Variants in CNGA3 observed in about 807,000 individuals in gnomAD.
The protein encoded by CNGA3 is cyclic nucleotide gated channel subunit alpha 3, also known as cyclic nucleotide-gated channel alpha-3.
A neutral mutation model predicts 46.6 loss-of-function variants in CNGA3; 42 were observed. The observed-to-expected ratio is 0.90, with a 90% CI of 0.70 to 1.17. CNGA3 has a LOEUF of 1.17. Ranked by LOEUF, CNGA3 falls within the 50% of genes most tolerant of loss-of-function variation. The pLI is 0.00. For synonymous variants in CNGA3, 394 were observed against 369.4 expected, an observed-to-expected ratio of 1.07 and a Z score of -0.76; for missense variants, 893 against 890.7, an observed-to-expected ratio of 1.00 and a Z score of -0.03.
chr2:98,381,447 T>C (rs1306687267), intron 4 of CNGA3, among the ~76,000 whole-genome samples: 4 of 152,154 alleles, frequency 2.6e-5, no homozygotes, highest in African/African-American at 9.7e-5. Context: ...TTCTGGTGTG[T>C]GAAGGTGATG....
intron 2 of CNGA3, among the ~76,000 whole-genome samples, chr2:98,375,839 T>C (rs1317291497): frequency 1.3e-5 from 2 of 152,092 alleles, no homozygotes; most frequent in African/African-American, 4.8e-5. Context: ...TGGAATAACA[T>C]TGGAATCTCG....
Position 98,383,483 on chromosome 2 carries a change from TGC to T in CNGA3, c.449+43_449+44del, listed in dbSNP as rs762880481. The T allele has an allele frequency of 1.9e-6, 3 of 1,604,870 alleles. No individual in the cohort carries two copies. The African/African-American group carries it at 4.0e-5, about 21-fold the overall frequency. Reference sequence around the variant, plus strand: ...CCAGCAGAGCCCTCCCCAAGCCCGGTGCCCTCCACCCCATAGAAGCCCCAGCT... The same window carrying T: ...CCAGCAGAGCCCTCCCCAAGCCCGGTCCTCCACCCCATAGAAGCCCCAGCT... On this transcript the variant is annotated intron_variant, in intron 5 of 7. Coordinates refer to ENST00000272602, the MANE Select transcript of CNGA3 (RefSeq NM_001298.3).
intron 5 of CNGA3, among the ~76,000 whole-genome samples, chr2:98,386,122 C>T (rs1692648125): frequency 6.6e-6 from 1 of 152,112 alleles, no homozygotes; most frequent in Non-Finnish European, 1.5e-5. Context: ...AGAACAGTGC[C>T]TGGTACATAG....
chr2:98,366,573 C>T (rs1281135555), intron 1 of CNGA3, among the ~76,000 whole-genome samples: 1 of 152,256 alleles, frequency 6.6e-6, no homozygotes, highest in Non-Finnish European at 1.5e-5. Flanking sequence ...GGACATCCAG[C>T]CCCTGGCTGG....
intron 1 of CNGA3, among the ~76,000 whole-genome samples, chr2:98,366,678 C>T (rs1272198490): frequency 1.7e-4 from 26 of 152,358 alleles, no homozygotes; most frequent in Admixed American, 1.7e-3. Flanking sequence ...TCTGCCACAG[C>T]CGCTATGGTG....
intron 1 of CNGA3, among the ~76,000 whole-genome samples, chr2:98,358,524 T>C (rs886606429): frequency 3.9e-5 from 6 of 152,214 alleles, no homozygotes; most frequent in African/African-American, 1.4e-4. Flanking sequence ...TGGGTACAGC[T>C]ACCAGTAGTA....
In CNGA3 at chr2:98,396,984, T is replaced by A. The variant is rs1412692820; in HGVS notation, c.1814T>A (p.Ile605Asn). ...GCCCTGGAGGAGAAAGGACGGCAGA[T>A]CCTGATGAAAGACAACCTGATCGAT... The part of the protein sequence containing the change: ...KKALEEKGRQ[I>N]LMKDNLIDEE... Residue 605 changes from isoleucine to asparagine, a missense_variant, in exon 8 of 8, where the codon ATC becomes AAC. Physicochemically the swap from Ile to Asn is moderately radical, Grantham distance 149. Transcript: ENST00000272602. 2 of 1,613,782 alleles carry A rather than the reference T, an allele frequency of 1.2e-6. No homozygotes were observed. Among genetic ancestry groups the A allele is most frequent in the African/African-American group, 2.7e-5 (2 of 74,882 alleles).
At chr2:98,347,727 C>G (rs1455158311) in intron 1 of CNGA3, among the ~76,000 whole-genome samples, 2 of 152,210 alleles carry the variant, frequency 1.3e-5, no homozygotes, top group African/African-American at 2.4e-5. Flanking sequence ...GGCAGACGCT[C>G]CCCATCACAT....
chr2:98,347,850 TC>T (rs1321460475), intron 1 of CNGA3, among the ~76,000 whole-genome samples: 2 of 151,794 alleles, frequency 1.3e-5, no homozygotes, highest in Non-Finnish European at 2.9e-5. Flanking sequence ...CGCCACCCCC[TC>T]CCCCCAACAC....
At chr2:98,394,210 A>G (rs540829991) in intron 7 of CNGA3, among the ~76,000 whole-genome samples, 1 of 152,220 alleles carries the variant, frequency 6.6e-6, no homozygotes, top group South Asian at 2.1e-4. Context: ...TGAAAATGTA[A>G]AAAACAAAAA....
intron 2 of CNGA3, among the ~76,000 whole-genome samples, chr2:98,371,348 A>C (rs1692281972): frequency 6.6e-6 from 1 of 152,074 alleles, no homozygotes; most frequent in Non-Finnish European, 1.5e-5. Flanking sequence ...ATTTGTGTTC[A>C]TCACTTCCTC....
At chr2:98,357,393 A>G (rs1365887902) in intron 1 of CNGA3, among the ~76,000 whole-genome samples, 10 of 152,172 alleles carry the variant, frequency 6.6e-5, no homozygotes, top group Admixed American at 5.9e-4. Flanking sequence ...AGTAAATGTG[A>G]TGGCTTCTCA....
chr2:98,379,992 C>A, intron 3 of CNGA3, 183 bp from the exon 4 acceptor site: 1 of 681,506 alleles, frequency 1.5e-6, no homozygotes. Context: ...CCCCATGGGG[C>A]AGAGATGCAA....
rs547510549 is a variant in CNGA3, at chr2:98,383,812, C to A, written c.449+371C>A. ...GAGATTCTCCTTAATGATGAAAAGG[C>A]ATTTTCTTATTCTACAACCTCAGGC... On this transcript the variant is annotated intron_variant, in intron 5 of 7. Coordinates refer to ENST00000272602, the MANE Select transcript of CNGA3 (RefSeq NM_001298.3). Among the ~76,000 whole-genome samples the A allele has an allele frequency of 2.0e-5, 3 of 152,286 alleles. No individual in the cohort carries two copies. The South Asian group carries it at 6.2e-4, about 32-fold the overall frequency.
rs766637612 is a variant in CNGA3, at chr2:98,396,275, A to T, written c.1105A>T (p.Thr369Ser). Residue 369 changes from threonine (T) to serine (S), a missense_variant, in exon 8 of 8, where the codon ACC (threonine) becomes TCC (serine). By Grantham distance (58) the Thr-to-Ser change is moderately conservative (BLOSUM62 1). This residue lies in a region of CNGA3 where 548 missense variants were observed against 570.8 expected (regional missense o/e 0.96). Coordinates refer to ENST00000272602, the MANE Select transcript of CNGA3 (RefSeq NM_001298.3). ...CTTGACCCTTACCACCATTGGTGAG[A>T]CCCCACCCCCCGTGAAAGATGAGGA... ...STLTLTTIGE[T>S]PPPVKDEEYL... The T allele has an allele frequency of 1.9e-6, 3 of 1,610,466 alleles. No individual in the cohort carries two copies. Among genetic ancestry groups the T allele is most frequent in the Non-Finnish European group, 1.7e-6 (2 of 1,177,722 alleles).
chr2:98,346,749 C>G (rs549617711), intron 1 of CNGA3, among the ~76,000 whole-genome samples: 4 of 152,182 alleles, frequency 2.6e-5, no homozygotes, highest in African/African-American at 9.6e-5. Flanking sequence ...GCTACGGCCT[C>G]GGCTCCCACT....
chr2:98,391,034 C>T (rs191809974), intron 6 of CNGA3, among the ~76,000 whole-genome samples: 152 of 152,064 alleles, frequency 1.0e-3, no homozygotes, highest in African/African-American at 3.5e-3. Context: ...CACTCCTGAG[C>T]AAGCCTGCAA....
At chr2:98,386,864 G>T (rs916487555) in intron 5 of CNGA3, among the ~76,000 whole-genome samples, 2 of 152,130 alleles carry the variant, frequency 1.3e-5, no homozygotes, top group African/African-American at 2.4e-5. Flanking sequence ...CCCCACAATC[G>T]CAAGAAGCTG....
At chr2:98,362,561 A>C (rs1422895434) in intron 1 of CNGA3, among the ~76,000 whole-genome samples, 1 of 152,150 alleles carries the variant, frequency 6.6e-6, no homozygotes. Context: ...GACCTTTGCC[A>C]GATGGGTAGA....
Sources: allele counts gnomAD v4.1 joint callset (sites outside exome capture counted in the v4.1 genomes callset), GRCh38; gene constraint gnomAD v4.1.1; regional missense constraint gnomAD v4.1.1; transcripts MANE v1.5; gene names NCBI Gene and HGNC (gene_info 2026-07-23, HGNC 2026-07-21).